The following SUGCT variants were observed in gnomAD, a reference collection of about 807,000 sequenced individuals.
SUGCT encodes succinyl-CoA:glutarate CoA-transferase.
SUGCT carries 41 observed loss-of-function variants against 55.0 expected under a neutral mutation model. That is an observed-to-expected ratio of 0.74 (90% CI 0.58 to 0.97). SUGCT has a LOEUF of 0.97. Among genes scored for constraint, SUGCT ranks in the 50% least tolerant of loss-of-function variants. SUGCT has a pLI of 0.00. For synonymous variants in SUGCT, 187 were observed against 200.4 expected, an observed-to-expected ratio of 0.93 and a Z score of 0.56; for missense variants, 568 against 547.8, an observed-to-expected ratio of 1.04 and a Z score of -0.37.
At chr7:40,334,971 G>A (rs1227653276) in intron 9 of SUGCT, among the ~76,000 whole-genome samples, 2 of 152,130 alleles carry the variant, frequency 1.3e-5, no homozygotes, top group Admixed American at 6.6e-5. Context: ...TTCTGCATAT[G>A]GCTAGCCGGT....
chr7:40,206,250 A>G (rs901376651), intron 6 of SUGCT, among the ~76,000 whole-genome samples: 7 of 152,216 alleles, frequency 4.6e-5, no homozygotes, highest in Admixed American at 3.9e-4. Context: ...TAAGAAAAAA[A>G]TTTTATACTT....
At chr7:41,006,860 A>G in the SUGCT span, among the ~76,000 whole-genome samples, 1 of 152,212 alleles carries the variant, frequency 6.6e-6, no homozygotes, top group Non-Finnish European at 1.5e-5. Flanking sequence ...CAATGATTAC[A>G]TAGAATGGCA....
chr7:40,396,421 G>A (rs752011061), intron 9 of SUGCT, among the ~76,000 whole-genome samples: 7 of 152,116 alleles, frequency 4.6e-5, no homozygotes, highest in Non-Finnish European at 1.0e-4. Context: ...AAAAGAGCTT[G>A]ACTAAGACTG....
At chr7:40,154,023 T>C in intron 1 of SUGCT, 1 of 264,456 alleles carries the variant, frequency 3.8e-6, no homozygotes, top group Non-Finnish European at 7.7e-6. Context: ...ATCTGGCATG[T>C]GATGTGTATG....
At chr7:40,461,824 A>G (rs557194904) in intron 11 of SUGCT, among the ~76,000 whole-genome samples, 23 of 152,334 alleles carry the variant, frequency 1.5e-4, no homozygotes, top group Non-Finnish European at 2.6e-4. Context: ...TGCCAAGTAC[A>G]TGCCAGATAA....
At chr7:40,567,198 A>AT (rs541336097) in intron 12 of SUGCT, among the ~76,000 whole-genome samples, 10 of 152,298 alleles carry the variant, frequency 6.6e-5, no homozygotes, top group Non-Finnish European at 1.3e-4. Flanking sequence ...AAGTGTATTG[A>AT]TTTTTCTGCT....
the SUGCT span, among the ~76,000 whole-genome samples, chr7:41,034,605 T>C: frequency 3.9e-5 from 6 of 152,338 alleles, no homozygotes; most frequent in South Asian, 1.2e-3. Context: ...CATGTTGACC[T>C]TTTCATTTAT....
intron 8 of SUGCT, among the ~76,000 whole-genome samples, chr7:40,312,698 G>T (rs1342667721): frequency 6.6e-6 from 1 of 152,144 alleles, no homozygotes; most frequent in East Asian, 1.9e-4. Flanking sequence ...ATAATCTCTT[G>T]CTTGCTGGCT....
At chr7:40,924,439 G>A in the SUGCT span, among the ~76,000 whole-genome samples, 1 of 152,080 alleles carries the variant, frequency 6.6e-6, no homozygotes, top group South Asian at 2.1e-4. Context: ...TAGTAGAGAT[G>A]GGGCATTGCC....
the SUGCT span, among the ~76,000 whole-genome samples, chr7:40,909,871 G>T: frequency 6.6e-6 from 1 of 152,120 alleles, no homozygotes; most frequent in Non-Finnish European, 1.5e-5. Context: ...CAACATGTCT[G>T]AGTCTAAAAA....
intron 9 of SUGCT, among the ~76,000 whole-genome samples, chr7:40,427,863 TG>T (rs2151381424): frequency 6.6e-6 from 1 of 152,314 alleles, no homozygotes; most frequent in East Asian, 1.9e-4. Flanking sequence ...AATATTCCAG[TG>T]GTTCTTGAGA....
At chr7:40,440,900 G>A (rs1788479077) in intron 9 of SUGCT, among the ~76,000 whole-genome samples, 1 of 151,990 alleles carries the variant, frequency 6.6e-6, no homozygotes, top group African/African-American at 2.4e-5. Context: ...TGAGACTGCA[G>A]TGAGCTAGGA....
In SUGCT at chr7:40,354,576, C is replaced by A. The variant is rs1797800298; in HGVS notation, c.816+37721C>A. Reference sequence around the variant, plus strand: ...CTAATGAAAAGTTGGCTGGGTATTGCAGTTTGTGCGGTCACTGTCAAGAGC... The same window carrying A: ...CTAATGAAAAGTTGGCTGGGTATTGAAGTTTGTGCGGTCACTGTCAAGAGC... On this transcript the variant is annotated intron_variant, in intron 9 of 13. Transcript: ENST00000335693. 2.0e-5 allele frequency among the ~76,000 whole-genome samples: 3 copies of A among 152,262 alleles called. No individual in the cohort carries two copies. In the South Asian group the frequency reaches 6.2e-4, roughly 32 times the overall value.
intron 12 of SUGCT, among the ~76,000 whole-genome samples, chr7:40,586,055 T>A (rs1400692291): frequency 3.9e-5 from 6 of 152,160 alleles, no homozygotes; most frequent in Non-Finnish European, 1.5e-5. Context: ...TTCTTTTAAA[T>A]TTTTTTAATA....
intron 9 of SUGCT, among the ~76,000 whole-genome samples, chr7:40,335,732 G>C (rs1164978861): frequency 6.6e-6 from 1 of 152,022 alleles, no homozygotes; most frequent in Non-Finnish European, 1.5e-5. Context: ...AATTGAATAT[G>C]CTTTATTTCT....
In SUGCT at chr7:40,559,680, A is replaced by G. The variant is rs144098191; in HGVS notation, c.1089+63294A>G. 4.8e-3 allele frequency among the ~76,000 whole-genome samples: 731 copies of G among 152,338 alleles called. 6 individuals are homozygous for G. The highest frequency in any genetic ancestry group is 0.017 in the African/African-American group (693 of 41,576). ...TTGTTTGCTATACTTATACATTACTATCTTAAAAACTTTTTGGTTTTCATC... is the reference window on the plus strand; with the variant it reads ...TTGTTTGCTATACTTATACATTACTGTCTTAAAAACTTTTTGGTTTTCATC... On this transcript the variant is annotated intron_variant, in intron 12 of 13. Coordinates refer to ENST00000335693, the MANE Select transcript of SUGCT (RefSeq NM_001193313.2).
At chr7:41,025,922 C>T in the SUGCT span, among the ~76,000 whole-genome samples, 56 of 152,282 alleles carry the variant, frequency 3.7e-4, no homozygotes, top group African/African-American at 1.3e-3. Context: ...GAACTCTGCA[C>T]ATGTTAACAT....
chr7:40,564,354 C>T (rs937441502), intron 12 of SUGCT, among the ~76,000 whole-genome samples: 10 of 152,036 alleles, frequency 6.6e-5, no homozygotes, highest in Admixed American at 5.2e-4. Context: ...CCAGCCTGGG[C>T]GACCTGGGCG....
intron 12 of SUGCT, among the ~76,000 whole-genome samples, chr7:40,628,278 A>G (rs1421242747): frequency 6.6e-6 from 1 of 152,226 alleles, no homozygotes; most frequent in Non-Finnish European, 1.5e-5. Flanking sequence ...TGTTGTTTAA[A>G]TAGGCTTATT....
Sources: allele counts gnomAD v4.1 joint callset (sites outside exome capture counted in the v4.1 genomes callset), GRCh38; gene constraint gnomAD v4.1.1; transcripts MANE v1.5; gene names NCBI Gene and HGNC (gene_info 2026-07-23, HGNC 2026-07-21).